Variants in ADGRG7 observed in about 807,000 individuals in gnomAD.
ADGRG7 encodes adhesion G protein-coupled receptor G7.
ADGRG7 carries 82 observed loss-of-function variants against 88.6 expected under a neutral mutation model. The observed-to-expected ratio is 0.93, with a 90% CI of 0.77 to 1.11. The LOEUF is 1.11. Ranked by LOEUF, ADGRG7 falls within the 50% of genes most tolerant of loss-of-function variation. The pLI is 0.00. For missense variants in ADGRG7, 945 were observed against 953.4 expected (o/e 0.99, Z 0.12); for synonymous variants, 381 against 345.2 (o/e 1.10, Z -1.15).
At chr3:100,631,099 C>T (rs923207828) in intron 3 of ADGRG7, among the ~76,000 whole-genome samples, 5 of 150,702 alleles carry the variant, frequency 3.3e-5, no homozygotes, top group Non-Finnish European at 7.4e-5. Context: ...ATTAAATTGA[C>T]ATTTGCTCCT....
intron 1 of ADGRG7, among the ~76,000 whole-genome samples, chr3:100,621,672 A>T (rs1415298566): frequency 6.6e-6 from 1 of 152,272 alleles, no homozygotes; most frequent in Admixed American, 6.5e-5. Context: ...AAAGGAAAGC[A>T]GCAAGTGCTG....
At position 100,669,030 on chromosome 3, in the gene ADGRG7, A is replaced by G; in HGVS notation, c.2061A>G (p.Ala687=). 6.2e-7 allele frequency: 1 copy of G among 1,606,392 alleles called. No individual in the cohort carries two copies. The highest frequency in any genetic ancestry group is 8.5e-7 in the Non-Finnish European group (1 of 1,176,638). Reference sequence around the variant, plus strand: ...TTTTTGGAATTACCTGGATTCTAGCATACCTGATGCTAGTTAATGATGATA... The same window carrying G: ...TTTTTGGAATTACCTGGATTCTAGCGTACCTGATGCTAGTTAATGATGATA... ...AVVFGITWIL[A]YLMLVNDDSI... The change falls in exon 15 of 16, where the codon GCA becomes GCG. Residue 687 remains alanine, a synonymous_variant. Transcript: ENST00000273352.
At chr3:100,626,276 A>AT (rs1326955119) in intron 1 of ADGRG7, among the ~76,000 whole-genome samples, 1 of 151,906 alleles carries the variant, frequency 6.6e-6, no homozygotes, top group African/African-American at 2.4e-5. Flanking sequence ...TTTCTTCTAG[A>AT]TTTTCTAGTT....
At chr3:100,665,255 A>G (rs563254580) in intron 14 of ADGRG7, 4 of 540,450 alleles carry the variant, frequency 7.4e-6, no homozygotes, top group Non-Finnish European at 1.5e-5. Flanking sequence ...CATTATGTTG[A>G]TATTTATAAC....
chr3:100,686,533 A>G (rs913634327), intron 15 of ADGRG7, among the ~76,000 whole-genome samples: 1 of 152,136 alleles, frequency 6.6e-6, no homozygotes, highest in Non-Finnish European at 1.5e-5. Flanking sequence ...TATTTAATCC[A>G]TCTTGAATTA....
At chr3:100,620,974 T>C (rs978026513) in intron 1 of ADGRG7, among the ~76,000 whole-genome samples, 7 of 152,178 alleles carry the variant, frequency 4.6e-5, no homozygotes, top group African/African-American at 1.7e-4. Context: ...GTCAAACTTT[T>C]TCATTATTAT....
rs2094954986 is a variant in ADGRG7 at position 100,669,040 on chromosome 3, C to G, written c.2071C>G (p.Leu691Val). The change falls in exon 15 of 16, where the codon CTA becomes GTA. Residue 691 changes from leucine (L) to valine (V), a missense_variant. By Grantham distance (32) the Leu-to-Val change is conservative. Transcript: ENST00000273352. ...TACCTGGATTCTAGCATACCTGATG[C>G]TAGTTAATGATGATAGCATCAGGAT... ...GITWILAYLM[L>V]VNDDSIRIVF... 1.9e-6 allele frequency: 3 copies of G among 1,606,084 alleles called. No individual in the cohort carries two copies. The highest frequency in any genetic ancestry group is 2.6e-6 in the Non-Finnish European group (3 of 1,176,320).
intron 11 of ADGRG7, among the ~76,000 whole-genome samples, chr3:100,651,134 GT>G (rs2094928801): frequency 1.3e-5 from 2 of 152,086 alleles, no homozygotes; most frequent in Admixed American, 1.3e-4. Flanking sequence ...TCATTTAAAA[GT>G]TTTATAGTGA....
chr3:100,655,415 A>C (rs113199078), intron 12 of ADGRG7, among the ~76,000 whole-genome samples: 2 of 152,216 alleles, frequency 1.3e-5, no homozygotes, highest in Non-Finnish European at 2.9e-5. Context: ...TAACTTAAAA[A>C]TGTTAATTTC....
rs2094935816 is a variant in ADGRG7 at position 100,655,073 on chromosome 3, A to G, written c.1618A>G (p.Thr540Ala). Residue 540 changes from threonine to alanine, a missense_variant, in exon 12 of 16, where the codon ACA (threonine) becomes GCA (alanine). Thr to Ala is a moderately conservative substitution (Grantham distance 58). Coordinates refer to ENST00000273352, the MANE Select transcript of ADGRG7 (RefSeq NM_032787.3). ...AALLHYFLLVTFTWNALSAAQ... is the reference protein window; with the variant it reads ...AALLHYFLLVAFTWNALSAAQ... ...CTTACTGCACTATTTTCTGTTAGTG[A>G]CATTTACCTGGAACGCACTCAGCGC... 3.1e-6 allele frequency: 5 copies of G among 1,614,054 alleles called. No individual in the cohort carries two copies. Among genetic ancestry groups the G allele is most frequent in the African/African-American group, 2.7e-5 (2 of 74,918 alleles).
intron 11 of ADGRG7, among the ~76,000 whole-genome samples, chr3:100,653,961 G>C (rs563674185): frequency 6.6e-6 from 1 of 152,270 alleles, no homozygotes; most frequent in Non-Finnish European, 1.5e-5. Flanking sequence ...ACTTTGAAGG[G>C]TGAAAAGGAC....
chr3:100,617,755 G>A (rs528834782), intron 1 of ADGRG7, among the ~76,000 whole-genome samples: 2 of 152,238 alleles, frequency 1.3e-5, no homozygotes, highest in East Asian at 1.9e-4. Flanking sequence ...GGGTCAAATG[G>A]TATTTCTAGT....
At chr3:100,667,555 T>A (rs1019917871) in intron 14 of ADGRG7, among the ~76,000 whole-genome samples, 3 of 152,258 alleles carry the variant, frequency 2.0e-5, no homozygotes, top group African/African-American at 7.2e-5. Context: ...ATGTGCTGCA[T>A]ATTCTTAATC....
chr3:100,651,979 A>G (rs1043273780), intron 11 of ADGRG7, among the ~76,000 whole-genome samples: 22 of 152,086 alleles, frequency 1.4e-4, no homozygotes, highest in Non-Finnish European at 5.9e-5. Context: ...TTAGTTTTCG[A>G]TGGGTTTGTT....
chr3:100,635,279 A>G (rs1053079889), intron 4 of ADGRG7, among the ~76,000 whole-genome samples: 3 of 152,250 alleles, frequency 2.0e-5, no homozygotes, highest in African/African-American at 7.2e-5. Flanking sequence ...TGTATAAAAT[A>G]CAAACCAAAA....
intron 15 of ADGRG7, among the ~76,000 whole-genome samples, chr3:100,688,859 T>G (rs1015756576): frequency 6.6e-6 from 1 of 152,184 alleles, no homozygotes; most frequent in African/African-American, 2.4e-5. Context: ...TTCTGTTGAT[T>G]TGGGGTGGAG....
At chr3:100,640,907 G>C (rs772101928) in intron 6 of ADGRG7, among the ~76,000 whole-genome samples, 32 of 152,110 alleles carry the variant, frequency 2.1e-4, no homozygotes, top group Non-Finnish European at 4.1e-4. Flanking sequence ...AATTACCCTG[G>C]TTTATCTGAC....
chr3:100,675,536 T>G (rs987443926), intron 15 of ADGRG7, among the ~76,000 whole-genome samples: 11 of 152,148 alleles, frequency 7.2e-5, no homozygotes, highest in African/African-American at 1.4e-4. Flanking sequence ...GTTCATCAGA[T>G]GCATTGGCCT....
At chr3:100,686,479 G>C (rs536928035) in intron 15 of ADGRG7, among the ~76,000 whole-genome samples, 13 of 152,244 alleles carry the variant, frequency 8.5e-5, no homozygotes, top group African/African-American at 2.6e-4. Context: ...ATATTGCCTA[G>C]GTTTTCTTCT....
Sources: gnomAD v4.1 joint callset for allele counts (sites outside exome capture counted in the v4.1 genomes callset) on GRCh38, gnomAD v4.1.1 for gene constraint, MANE v1.5 for transcripts, NCBI Gene and HGNC (gene_info 2026-07-23, HGNC 2026-07-21) for gene names.